C1QTNF3: variants seen among roughly 807,000 people sequenced by gnomAD.
C1QTNF3 encodes the protein C1q and TNF related 3, also known as complement C1q tumor necrosis factor-related protein 3.
In C1QTNF3, 26 loss-of-function variants were observed where a neutral mutation model predicts 32.6. That is an observed-to-expected ratio of 0.80 (90% CI 0.58 to 1.11). The LOEUF (loss-of-function observed/expected upper bound fraction) is 1.11. C1QTNF3 is among the 50% of genes least tolerant of loss of function. The pLI, the probability that C1QTNF3 is intolerant of heterozygous loss-of-function variation, is 0.00. For synonymous variants in C1QTNF3, 155 were observed against 146.0 expected (o/e 1.06, Z -0.44); for missense variants, 362 against 398.2 (o/e 0.91, Z 0.77).
the C1QTNF3 span, chr5:34,175,786 C>G: frequency 4.3e-6 from 3 of 704,948 alleles, no homozygotes; most frequent in Admixed American, 6.1e-5. Flanking sequence ...AAAATGAGGA[C>G]GGGTACATTA....
chr5:34,046,933 C>A (rs1754996260), upstream of C1QTNF3, among the ~76,000 whole-genome samples: 1 of 152,142 alleles, frequency 6.6e-6, no homozygotes, highest in African/African-American at 2.4e-5. Flanking sequence ...TTACTTCCCT[C>A]CAGTAATTTC....
the C1QTNF3 span, chr5:34,106,176 G>C: frequency 6.6e-6 from 1 of 151,482 alleles, no homozygotes; most frequent in Non-Finnish European, 1.5e-5. Flanking sequence ...ATGGAATTGT[G>C]ATACAAATAA....
chr5:34,023,630 TAA>T (rs774012412), intron 5 of C1QTNF3, among the ~76,000 whole-genome samples: 1 of 151,900 alleles, frequency 6.6e-6, no homozygotes, highest in Non-Finnish European at 1.5e-5. Context: ...AGGAGAAAAA[TAA>T]TGAGTTATAA....
At chr5:34,153,977 G>T in the C1QTNF3 span, among the ~76,000 whole-genome samples, 1 of 150,232 alleles carries the variant, frequency 6.7e-6, no homozygotes, top group Non-Finnish European at 1.5e-5. Flanking sequence ...CAAATAATTA[G>T]ATAGTATAGA....
chr5:34,166,805 TAGTG>T, the C1QTNF3 span: 6 of 151,612 alleles, frequency 4.0e-5, no homozygotes, highest in Non-Finnish European at 7.4e-5. Context: ...TCAAATGACA[TAGTG>T]AGAGTTATGA....
At chr5:34,161,067 T>A in the C1QTNF3 span, among the ~76,000 whole-genome samples, 1 of 152,162 alleles carries the variant, frequency 6.6e-6, no homozygotes, top group Non-Finnish European at 1.5e-5. Flanking sequence ...TTCTCTGGAG[T>A]GAGCTGACAT....
chr5:34,023,878 G>T, intron 5 of C1QTNF3, 31 bp downstream of exon 5: 10 of 1,559,396 alleles, frequency 6.4e-6, no homozygotes, highest in Non-Finnish European at 8.8e-6. Context: ...TGGCAGCATG[G>T]ATGAGACCCA....
the C1QTNF3 span, among the ~76,000 whole-genome samples, chr5:34,217,661 T>C: frequency 5.3e-5 from 8 of 152,140 alleles, no homozygotes; most frequent in Non-Finnish European, 1.0e-4. Context: ...AAATGTGGTA[T>C]TGTGCACAGC....
upstream of C1QTNF3, among the ~76,000 whole-genome samples, chr5:34,044,708 A>G (rs940080236): frequency 2.0e-5 from 3 of 152,100 alleles, no homozygotes; most frequent in African/African-American, 4.8e-5. Context: ...AAAGCTCTCC[A>G]GGCCACAGTT....
At chr5:34,119,428 C>A in the C1QTNF3 span, among the ~76,000 whole-genome samples, 1 of 152,226 alleles carries the variant, frequency 6.6e-6, no homozygotes, top group Non-Finnish European at 1.5e-5. Flanking sequence ...TCTGCCACCC[C>A]TCACAAGCAA....
the C1QTNF3 span, among the ~76,000 whole-genome samples, chr5:34,107,928 A>G: frequency 3.7e-4 from 56 of 152,186 alleles, no homozygotes; most frequent in African/African-American, 1.2e-3. Flanking sequence ...AGATACTAGT[A>G]AAACTAGCTG....
chr5:34,127,349 G>A, the C1QTNF3 span, among the ~76,000 whole-genome samples: 2 of 152,082 alleles, frequency 1.3e-5, no homozygotes, highest in Admixed American at 1.3e-4. Context: ...AATGTCGATA[G>A]TGATATGGAC....
At chr5:34,029,693 T>C (rs1274487224) in intron 3 of C1QTNF3, among the ~76,000 whole-genome samples, 3 of 152,346 alleles carry the variant, frequency 2.0e-5, no homozygotes, top group African/African-American at 2.4e-5. Flanking sequence ...TCTTTCTTGG[T>C]AGAAGTTTCA....
the C1QTNF3 span, among the ~76,000 whole-genome samples, chr5:34,069,189 C>A: frequency 1.4e-5 from 2 of 145,564 alleles, no homozygotes; most frequent in Non-Finnish European, 3.0e-5. Context: ...TAGTTCCCAT[C>A]GATCAATATT....
At position 34,035,709 on chromosome 5, in the gene C1QTNF3, C is replaced by G; in HGVS notation, c.353G>C (p.Gly118Ala). The G allele has an allele frequency of 6.2e-7, 1 of 1,612,466 alleles. No homozygotes were observed. Among genetic ancestry groups the G allele is most frequent in the Non-Finnish European group, 8.5e-7 (1 of 1,179,570 alleles). The change falls in exon 2 of 6, where the codon GGA (glycine) becomes GCA (alanine). Residue 118 changes from glycine (G) to alanine (A), a missense_variant. By Grantham distance (60) the Gly-to-Ala change is moderately conservative. Transcript: ENST00000382065. The part of the protein sequence containing the change: ...LPPDCSKCCH[G>A]DYSFRGYQGP... The stretch of plus-strand genomic sequence containing the variant: ...TTGGTAGCCTCGAAAGCTGTAGTCT[C>G]CATGACAACACTTACTGCAGTCTGG...
At chr5:34,229,975 A>G in the C1QTNF3 span, among the ~76,000 whole-genome samples, 1 of 152,282 alleles carries the variant, frequency 6.6e-6, no homozygotes, top group African/African-American at 2.4e-5. Context: ...ATAAACATGT[A>G]TCCAGGAAAG....
chr5:34,034,696 T>G (rs1333476957), intron 2 of C1QTNF3, among the ~76,000 whole-genome samples: 1 of 152,162 alleles, frequency 6.6e-6, no homozygotes. Flanking sequence ...GCCAATCTTT[T>G]GTGTAACCTC....
chr5:34,232,779 A>T, the C1QTNF3 span, among the ~76,000 whole-genome samples: 1 of 152,178 alleles, frequency 6.6e-6, no homozygotes, highest in Non-Finnish European at 1.5e-5. Context: ...GTCATTCTTT[A>T]TATCATTGTG....
chr5:34,211,668 T>G, the C1QTNF3 span, among the ~76,000 whole-genome samples: 220 of 151,644 alleles, frequency 1.5e-3, 3 homozygotes, highest in Non-Finnish European at 1.8e-3. Context: ...TGTGATAGTT[T>G]ACTGAGAATG....
Sources: gnomAD v4.1 joint callset for allele counts (sites outside exome capture counted in the v4.1 genomes callset) on GRCh38, gnomAD v4.1.1 for gene constraint, MANE v1.5 for transcripts, NCBI Gene and HGNC (gene_info 2026-07-23, HGNC 2026-07-21) for gene names.